PDS5B: variants seen among roughly 807,000 people sequenced by gnomAD.
PDS5B encodes the protein sister chromatid cohesion protein PDS5 homolog B.
Under a neutral mutation model 184.1 loss-of-function variants are expected in PDS5B, and 51 were observed. The observed-to-expected ratio is 0.28, with a 90% CI of 0.22 to 0.35. The LOEUF is 0.35. Among genes scored for constraint, PDS5B ranks in the 10% least tolerant of loss-of-function variants. The pLI is 1.00. For missense variants in PDS5B, 1,180 were observed against 1,723.3 expected, an observed-to-expected ratio of 0.68 and a Z score of 5.58; for synonymous variants, 566 against 569.2, an observed-to-expected ratio of 0.99 and a Z score of 0.08.
chr13:32,673,191 G>T, intron 7 of PDS5B, 25 bp from the exon 8 acceptor site: 1 of 1,597,716 alleles, frequency 6.3e-7, no homozygotes, highest in South Asian at 1.1e-5. Flanking sequence ...TTCTACTAAT[G>T]ATAGGCTTTC....
chr13:32,642,085 C>T (rs961792991), intron 1 of PDS5B, among the ~76,000 whole-genome samples: 1 of 152,152 alleles, frequency 6.6e-6, no homozygotes, highest in Non-Finnish European at 1.5e-5. Context: ...ATTCGTAAGT[C>T]GTTGAATCAG....
intron 31 of PDS5B, among the ~76,000 whole-genome samples, 171 bp downstream of exon 31, chr13:32,764,765 T>C (rs1954531235): frequency 6.6e-6 from 1 of 152,206 alleles, no homozygotes; most frequent in Non-Finnish European, 1.5e-5. Context: ...TTTAAGTATA[T>C]AGAATCTGTG....
chr13:32,772,377 CG>C (rs1848240409), intron 33 of PDS5B, among the ~76,000 whole-genome samples: 1 of 152,054 alleles, frequency 6.6e-6, no homozygotes, highest in African/African-American at 2.4e-5. Flanking sequence ...TTCATGGGCT[CG>C]TGGTTCTTGT....
At chr13:32,629,877 A>G (rs936521199) in intron 1 of PDS5B, among the ~76,000 whole-genome samples, 1 of 152,224 alleles carries the variant, frequency 6.6e-6, no homozygotes, top group African/African-American at 2.4e-5. Context: ...AATATGGATG[A>G]TAATAAAATC....
chr13:32,666,368 A>C (rs1950796165), intron 6 of PDS5B, among the ~76,000 whole-genome samples: 1 of 152,164 alleles, frequency 6.6e-6, no homozygotes, highest in South Asian at 2.1e-4. Flanking sequence ...TGTGAGCCAC[A>C]GTGCCCATCC....
At chr13:32,613,761 T>G (rs2058178210) in intron 1 of PDS5B, among the ~76,000 whole-genome samples, 1 of 152,222 alleles carries the variant, frequency 6.6e-6, no homozygotes. Flanking sequence ...TAACCTGTTT[T>G]TGCTATGTTA....
chr13:32,689,200 C>G (rs1374804270), intron 13 of PDS5B: 1 of 152,110 alleles, frequency 6.6e-6, no homozygotes, highest in Non-Finnish European at 1.5e-5. Flanking sequence ...AATGTAGACC[C>G]TTAGTATTCC....
chr13:32,684,927 C>T (rs1566325283), intron 11 of PDS5B, among the ~76,000 whole-genome samples: 1 of 152,154 alleles, frequency 6.6e-6, no homozygotes, highest in Non-Finnish European at 1.5e-5. Context: ...TTCTGGCTAA[C>T]ATGGCGAAAT....
chr13:32,716,681 C>T (rs1209673878), intron 19 of PDS5B, among the ~76,000 whole-genome samples: 1 of 137,854 alleles, frequency 7.3e-6, no homozygotes, highest in African/African-American at 2.7e-5. Flanking sequence ...GGTCAGCCCC[C>T]CGCCCGGCCA....
At chr13:32,716,686 C>A (rs1297669009) in intron 19 of PDS5B, among the ~76,000 whole-genome samples, 1 of 135,418 alleles carries the variant, frequency 7.4e-6, no homozygotes, top group South Asian at 2.5e-4. Flanking sequence ...GCCCCCCGCC[C>A]GGCCAGCTGC....
chr13:32,606,759 G>A (rs747753532), intron 1 of PDS5B, among the ~76,000 whole-genome samples: 4 of 152,040 alleles, frequency 2.6e-5, no homozygotes, highest in African/African-American at 4.8e-5. Context: ...GGCTTTGTTC[G>A]TTTCTTTTTA....
intron 1 of PDS5B, among the ~76,000 whole-genome samples, chr13:32,586,939 T>C (rs1360214799): frequency 7.3e-6 from 1 of 137,392 alleles, no homozygotes; most frequent in East Asian, 2.5e-4. Flanking sequence ...CGGCGGGCGG[T>C]GACCTTGCGC....
At chr13:32,737,351 C>CAA (rs1346652744) in intron 21 of PDS5B, among the ~76,000 whole-genome samples, 1 of 152,110 alleles carries the variant, frequency 6.6e-6, no homozygotes, top group African/African-American at 2.4e-5. Context: ...GGGATCCACC[C>CAA]AGAAGTCCAG....
chr13:32,615,020 A>C (rs576551051), intron 1 of PDS5B, among the ~76,000 whole-genome samples: 1 of 152,334 alleles, frequency 6.6e-6, no homozygotes, highest in Non-Finnish European at 1.5e-5. Context: ...GTGAATTTTT[A>C]CATGCTTATG....
rs7326102 is a variant in PDS5B, at chr13:32,777,857, C to G, written c.*2805C>G. The G allele has an allele frequency of 0.38, 57,229 of 152,076 alleles. 11,435 individuals are homozygous for G. The highest frequency in any genetic ancestry group is 0.45 in the Non-Finnish European group (30,539 of 67,740). The allele number at this position is 152,076 out of a possible 1,614,324, so 9.4% of individuals were successfully genotyped here. On this transcript the variant is annotated 3_prime_UTR_variant, in exon 35 of 35. Coordinates refer to ENST00000315596, the MANE Select transcript of PDS5B (RefSeq NM_015032.4). ...CTGATTTTTAAGATTTCCTTTTGTC[C>G]ACTTGTAAGAATGTCAGGAATTTAA...
At chr13:32,635,935 A>T (rs1338085632) in intron 1 of PDS5B, among the ~76,000 whole-genome samples, 1 of 150,254 alleles carries the variant, frequency 6.7e-6, no homozygotes, top group Admixed American at 6.6e-5. Flanking sequence ...CGCCTGGCTA[A>T]TTTTTTTGTA....
chr13:32,755,008 C>T (rs1303148796), intron 25 of PDS5B, among the ~76,000 whole-genome samples: 1 of 152,126 alleles, frequency 6.6e-6, no homozygotes, highest in Non-Finnish European at 1.5e-5. Context: ...AACTGTGTTA[C>T]CTTTTTCTTT....
chr13:32,610,047 A>G (rs963308305), intron 1 of PDS5B, among the ~76,000 whole-genome samples: 1 of 152,252 alleles, frequency 6.6e-6, no homozygotes, highest in Non-Finnish European at 1.5e-5. Flanking sequence ...CTAGTGTAAG[A>G]GTTGGCTTAT....
intron 1 of PDS5B, among the ~76,000 whole-genome samples, chr13:32,589,678 C>T (rs2057744622): frequency 6.6e-6 from 1 of 152,160 alleles, no homozygotes; most frequent in African/African-American, 2.4e-5. Flanking sequence ...TCATCTGTCA[C>T]TTCTAGTTAC....
Sources: gnomAD v4.1 joint callset for allele counts (sites outside exome capture counted in the v4.1 genomes callset) on GRCh38, gnomAD v4.1.1 for gene constraint, MANE v1.5 for transcripts, NCBI Gene and HGNC (gene_info 2026-07-23, HGNC 2026-07-21) for gene names.